Variants in SGMS1 observed in about 807,000 individuals in gnomAD.
SGMS1 encodes the protein phosphatidylcholine:ceramide cholinephosphotransferase 1.
In SGMS1, 13 loss-of-function variants were observed where a neutral mutation model predicts 46.2. The ratio of observed to expected loss-of-function variants is 0.28; its 90% CI spans 0.18 to 0.45. SGMS1 has a LOEUF of 0.45. Among genes scored for constraint, SGMS1 ranks in the 20% least tolerant of loss-of-function variants. The probability of loss-of-function intolerance (pLI) is 1.00; values close to 1 mark genes in which losing one functional copy is unlikely to be tolerated. For missense variants in SGMS1, 324 were observed against 519.9 expected (o/e 0.62, Z 3.66); for synonymous variants, 203 against 187.8 (o/e 1.08, Z -0.66).
rs1848371310 is a variant in SGMS1, at chr10:50,367,782, C to T, written c.-231-23437G>A. ...TGCTAATTTCCCAAACTTCCAGGTC[C>T]CACTTTCACTGAGCTTCTCTATTAA... On this transcript the variant is annotated intron_variant, in intron 6 of 10. Coordinates refer to ENST00000361781, the MANE Select transcript of SGMS1 (RefSeq NM_147156.4). Among the ~76,000 whole-genome samples, 3 of 152,152 alleles carry T rather than the reference C, an allele frequency of 2.0e-5. No homozygotes were observed. In the South Asian group the frequency reaches 6.2e-4, roughly 31 times the overall value.
chr10:50,553,037 A>G (rs573292939), intron 2 of SGMS1, among the ~76,000 whole-genome samples: 103 of 152,212 alleles, frequency 6.8e-4, no homozygotes, highest in Non-Finnish European at 1.3e-3. Flanking sequence ...TTAAGTCACC[A>G]CATTTGTGGT....
chr10:50,558,154 T>A (rs1348944483), intron 2 of SGMS1, among the ~76,000 whole-genome samples: 2 of 152,190 alleles, frequency 1.3e-5, no homozygotes, highest in African/African-American at 4.8e-5. Flanking sequence ...TGGCTGCAGC[T>A]GTATGCTAGT....
At chr10:50,511,637 T>G (rs959933265) in intron 3 of SGMS1, among the ~76,000 whole-genome samples, 1 of 152,182 alleles carries the variant, frequency 6.6e-6, no homozygotes, top group Non-Finnish European at 1.5e-5. Flanking sequence ...AAAAGGTTCT[T>G]TGCAACCACC....
chr10:50,386,686 C>T (rs973583149), intron 6 of SGMS1, among the ~76,000 whole-genome samples: 1 of 152,086 alleles, frequency 6.6e-6, no homozygotes, highest in African/African-American at 2.4e-5. Flanking sequence ...TTTTCAGAGG[C>T]CCAAATTGCC....
intron 2 of SGMS1, among the ~76,000 whole-genome samples, chr10:50,553,237 A>C (rs1307802546): frequency 6.6e-6 from 1 of 152,196 alleles, no homozygotes; most frequent in Non-Finnish European, 1.5e-5. Flanking sequence ...TTCAGTGGTT[A>C]ACACTCTGGA....
At chr10:50,375,702 A>C (rs1848513252) in intron 6 of SGMS1, among the ~76,000 whole-genome samples, 1 of 152,186 alleles carries the variant, frequency 6.6e-6, no homozygotes, top group Non-Finnish European at 1.5e-5. Flanking sequence ...GAAAGATCGG[A>C]AGTAGTATAG....
At chr10:50,390,959 G>A (rs373542867) in intron 6 of SGMS1, among the ~76,000 whole-genome samples, 4 of 152,122 alleles carry the variant, frequency 2.6e-5, no homozygotes, top group East Asian at 1.9e-4. Flanking sequence ...AAGTCATAGC[G>A]GAGAGAGGGT....
chr10:50,471,920 A>G (rs983424536), intron 3 of SGMS1, among the ~76,000 whole-genome samples: 16 of 152,208 alleles, frequency 1.1e-4, no homozygotes, highest in Admixed American at 1.3e-4. Flanking sequence ...CAAGAGCCAC[A>G]TTATCTCTGT....
At chr10:50,558,336 C>T (rs188848312) in intron 2 of SGMS1, among the ~76,000 whole-genome samples, 57 of 152,244 alleles carry the variant, frequency 3.7e-4, no homozygotes, top group Admixed American at 1.1e-3. Context: ...TTTGAAGGCA[C>T]CATATGACCT....
At chr10:50,427,278 A>C (rs1012360916) in intron 6 of SGMS1, among the ~76,000 whole-genome samples, 1 of 152,298 alleles carries the variant, frequency 6.6e-6, no homozygotes, top group Non-Finnish European at 1.5e-5. Flanking sequence ...GGGCGCCTGT[A>C]GTCCCAGCTA....
At chr10:50,596,019 T>C (rs993308457) in intron 1 of SGMS1, among the ~76,000 whole-genome samples, 2 of 152,232 alleles carry the variant, frequency 1.3e-5, no homozygotes, top group Non-Finnish European at 2.9e-5. Flanking sequence ...AGATGTATGC[T>C]TGGCAATGGC....
chr10:50,337,841 G>A (rs1847740170), intron 7 of SGMS1, among the ~76,000 whole-genome samples: 1 of 142,230 alleles, frequency 7.0e-6, no homozygotes, highest in Non-Finnish European at 1.5e-5. Flanking sequence ...AACAAATAAG[G>A]CCCCCAAAAG....
chr10:50,349,589 T>A (rs1847970931), intron 6 of SGMS1, among the ~76,000 whole-genome samples: 1 of 152,218 alleles, frequency 6.6e-6, no homozygotes, highest in South Asian at 2.1e-4. Context: ...TTCCCATAAT[T>A]CCCATTCTCC....
chr10:50,396,138 G>C (rs1035416341), intron 6 of SGMS1, among the ~76,000 whole-genome samples: 2 of 152,138 alleles, frequency 1.3e-5, no homozygotes, highest in Admixed American at 1.3e-4. Context: ...GTTAGCCTTT[G>C]GTGAAATCTT....
At chr10:50,447,505 G>A (rs1368803361) in intron 5 of SGMS1, among the ~76,000 whole-genome samples, 2 of 151,946 alleles carry the variant, frequency 1.3e-5, no homozygotes, top group African/African-American at 4.8e-5. Context: ...AATAAAGTCA[G>A]TTATTCCTTC....
At chr10:50,610,805 A>G (rs1051503156) in intron 1 of SGMS1, among the ~76,000 whole-genome samples, 3 of 152,174 alleles carry the variant, frequency 2.0e-5, no homozygotes, top group African/African-American at 7.2e-5. Flanking sequence ...TCTGACCCTT[A>G]CCAAGAAAAC....
intron 2 of SGMS1, among the ~76,000 whole-genome samples, chr10:50,585,248 G>A (rs1329712082): frequency 6.6e-6 from 1 of 152,166 alleles, no homozygotes; most frequent in African/African-American, 2.4e-5. Context: ...TATTATTAAA[G>A]TAGCACAAGA....
chr10:50,457,105 T>C (rs1190548081), intron 5 of SGMS1, among the ~76,000 whole-genome samples: 1 of 152,218 alleles, frequency 6.6e-6, no homozygotes, highest in East Asian at 1.9e-4. Context: ...TAGAATGGAT[T>C]CACTGACGCT....
chr10:50,454,023 T>C (rs528200766), intron 5 of SGMS1, among the ~76,000 whole-genome samples: 25 of 121,890 alleles, frequency 2.1e-4, no homozygotes, highest in Admixed American at 5.3e-4. Context: ...CTATTCATAC[T>C]AGACTTTCAA....
Sources: allele counts gnomAD v4.1 joint callset (sites outside exome capture counted in the v4.1 genomes callset), GRCh38; gene constraint gnomAD v4.1.1; transcripts MANE v1.5; gene names NCBI Gene and HGNC (gene_info 2026-07-23, HGNC 2026-07-21).